The following PPP3CA variants were observed in gnomAD, a reference collection of about 807,000 sequenced individuals.
PPP3CA encodes protein phosphatase 3 catalytic subunit alpha, also known as CAM-PRP catalytic subunit.
Under a neutral mutation model 66.5 loss-of-function variants are expected in PPP3CA, and 14 were observed. That is an observed-to-expected ratio of 0.21 (90% CI 0.14 to 0.33). The LOEUF is 0.33. Ranked by LOEUF, PPP3CA falls within the 10% of genes least tolerant of loss-of-function variation. The pLI is 1.00. For synonymous variants in PPP3CA, 232 were observed against 226.2 expected, an observed-to-expected ratio of 1.03 and a Z score of -0.23; for missense variants, 317 against 639.5, an observed-to-expected ratio of 0.50 and a Z score of 5.44.
At chr4:101,170,562 G>A (rs918926376) in intron 2 of PPP3CA, among the ~76,000 whole-genome samples, 1 of 151,216 alleles carries the variant, frequency 6.6e-6, no homozygotes, top group Non-Finnish European at 1.5e-5. Flanking sequence ...AGGGTGAGAG[G>A]TGAAAAAAAA....
chr4:101,113,000 A>G (rs1371862720), intron 2 of PPP3CA, among the ~76,000 whole-genome samples: 1 of 152,160 alleles, frequency 6.6e-6, no homozygotes, highest in Non-Finnish European at 1.5e-5. Flanking sequence ...CTAAGAGGCC[A>G]GAGATTTTGA....
chr4:101,103,201 AGG>A (rs2110257573), intron 3 of PPP3CA, among the ~76,000 whole-genome samples: 1 of 152,320 alleles, frequency 6.6e-6, no homozygotes, highest in African/African-American at 2.4e-5. Flanking sequence ...GAAGTAAAGA[AGG>A]ATGTAAAAGA....
At chr4:101,210,925 CA>C (rs1725279927) in intron 1 of PPP3CA, among the ~76,000 whole-genome samples, 1 of 151,922 alleles carries the variant, frequency 6.6e-6, no homozygotes, top group Non-Finnish European at 1.5e-5. Flanking sequence ...GAAACAGGCT[CA>C]AAGAGAGTAA....
chr4:101,164,567 T>TTG (rs1723630045), intron 2 of PPP3CA, among the ~76,000 whole-genome samples: 1 of 151,074 alleles, frequency 6.6e-6, no homozygotes, highest in Non-Finnish European at 1.5e-5. Context: ...TTTAAGTTTT[T>TTG]TTTTTTTTTT....
chr4:101,067,280 C>G (rs1333763550), intron 8 of PPP3CA, among the ~76,000 whole-genome samples: 1 of 151,940 alleles, frequency 6.6e-6, no homozygotes, highest in African/African-American at 2.4e-5. Context: ...CCTGTAGAAC[C>G]CTGTGTTCAA....
chr4:101,266,365 A>G (rs1204414597), intron 1 of PPP3CA, among the ~76,000 whole-genome samples: 1 of 152,284 alleles, frequency 6.6e-6, no homozygotes, highest in Non-Finnish European at 1.5e-5. Flanking sequence ...AAATAGGATT[A>G]TTAAGTGAAT....
chr4:101,126,613 T>C (rs78209620), intron 2 of PPP3CA, among the ~76,000 whole-genome samples: 6,078 of 152,284 alleles, frequency 0.04, 203 homozygotes, highest in Middle Eastern at 0.11. Context: ...TAGACCTCTT[T>C]TTATGATGCA....
At chr4:101,162,820 T>C (rs1487146405) in intron 2 of PPP3CA, among the ~76,000 whole-genome samples, 1 of 152,152 alleles carries the variant, frequency 6.6e-6, no homozygotes, top group African/African-American at 2.4e-5. Flanking sequence ...ATTTCACTTC[T>C]TCATTTAGAA....
intron 1 of PPP3CA, among the ~76,000 whole-genome samples, chr4:101,203,281 G>C (rs1271629616): frequency 1.3e-5 from 2 of 152,164 alleles, no homozygotes; most frequent in Admixed American, 1.3e-4. Context: ...CGGATCACGA[G>C]GTCAAGAGAT....
In PPP3CA at chr4:101,328,428, A is replaced by G. The variant is rs566694446; in HGVS notation, c.58+18311T>C. 1.4e-4 allele frequency among the ~76,000 whole-genome samples: 21 copies of G among 152,300 alleles called. No individual in the cohort carries two copies. In the South Asian group the frequency reaches 1.9e-3, roughly 14 times the overall value. The stretch of plus-strand genomic sequence containing the variant: ...AATGAAAAATTCTGATCTCAAAACA[A>G]TTCACATTTGCATCTAAAATGTTAC... On this transcript the variant is annotated intron_variant, in intron 1 of 13. Transcript: ENST00000394854.
intron 6 of PPP3CA, among the ~76,000 whole-genome samples, chr4:101,091,933 C>G (rs1729969576): frequency 6.6e-6 from 1 of 150,906 alleles, no homozygotes; most frequent in African/African-American, 2.4e-5. Flanking sequence ...ATTAAAAATT[C>G]TCATCTTCTT....
At chr4:101,066,121 G>A (rs1560585044) in intron 8 of PPP3CA, among the ~76,000 whole-genome samples, 4 of 152,034 alleles carry the variant, frequency 2.6e-5, no homozygotes, top group Admixed American at 2.0e-4. Context: ...CTTAGAAAGA[G>A]GTAAATCTCA....
intron 1 of PPP3CA, among the ~76,000 whole-genome samples, chr4:101,302,841 T>C (rs1043314530): frequency 6.6e-6 from 1 of 152,202 alleles, no homozygotes; most frequent in East Asian, 1.9e-4. Flanking sequence ...GGCTCCAACC[T>C]CTGCCTTTTA....
chr4:101,124,708 AG>A (rs1560614359), intron 2 of PPP3CA, among the ~76,000 whole-genome samples: 4 of 105,576 alleles, frequency 3.8e-5, no homozygotes, highest in African/African-American at 1.6e-4. Flanking sequence ...AAAGAAAGAA[AG>A]AAAGAAAGAA....
intron 2 of PPP3CA, among the ~76,000 whole-genome samples, chr4:101,176,740 T>G (rs916289890): frequency 1.3e-5 from 2 of 152,134 alleles, no homozygotes; most frequent in African/African-American, 4.8e-5. Context: ...GAGAACTGTT[T>G]ATTAAATTTT....
At chr4:101,288,882 A>C (rs745691555) in intron 1 of PPP3CA, among the ~76,000 whole-genome samples, 6 of 151,992 alleles carry the variant, frequency 3.9e-5, no homozygotes, top group Non-Finnish European at 8.8e-5. Flanking sequence ...GCACACACAA[A>C]ATGAAGTGCC....
At position 101,342,246 on chromosome 4, in the gene PPP3CA, G is replaced by C. The variant is rs532413050; in HGVS notation, c.58+4493C>G. ...GATAAACTGTCCATTTAAAATAAGGGTTCTATCCCACACTTCTCAGAAAAA... is the reference window on the plus strand; with the variant it reads ...GATAAACTGTCCATTTAAAATAAGGCTTCTATCCCACACTTCTCAGAAAAA... On this transcript the variant is annotated intron_variant, in intron 1 of 13. Transcript: ENST00000394854. Among the ~76,000 whole-genome samples the C allele has an allele frequency of 1.5e-3, 231 of 152,126 alleles. 2 individuals are homozygous for C. The highest frequency in any genetic ancestry group is 5.2e-3 in the African/African-American group (217 of 41,528).
chr4:101,294,179 C>T (rs925852574), intron 1 of PPP3CA, among the ~76,000 whole-genome samples: 18 of 152,302 alleles, frequency 1.2e-4, no homozygotes, highest in African/African-American at 4.1e-4. Flanking sequence ...ATAAGAATCA[C>T]TTATATAATA....
chr4:101,187,994 G>GCTAT (rs1724468356), intron 2 of PPP3CA, among the ~76,000 whole-genome samples: 1 of 152,122 alleles, frequency 6.6e-6, no homozygotes, highest in Non-Finnish European at 1.5e-5. Flanking sequence ...AAGCAATATA[G>GCTAT]GATGTATGAT....
Sources: gnomAD v4.1 joint callset for allele counts (sites outside exome capture counted in the v4.1 genomes callset) on GRCh38, gnomAD v4.1.1 for gene constraint, MANE v1.5 for transcripts, NCBI Gene and HGNC (gene_info 2026-07-23, HGNC 2026-07-21) for gene names.